Variants in EYS observed in about 807,000 individuals in gnomAD.
EYS encodes protein eyes shut homolog.
EYS carries 250 observed loss-of-function variants against 282.1 expected under a neutral mutation model. That is an observed-to-expected ratio of 0.89 (90% CI 0.80 to 0.98). The LOEUF is 0.98. Ranked by LOEUF, EYS falls within the 50% of genes least tolerant of loss-of-function variation. The pLI is 0.00. For missense variants in EYS, 4,016 were observed against 3,709.0 expected, an observed-to-expected ratio of 1.08 and a Z score of -2.15; for synonymous variants, 1,355 against 1,282.9, an observed-to-expected ratio of 1.06 and a Z score of -1.20.
At chr6:64,344,569 A>C (rs1471319761) in intron 29 of EYS, among the ~76,000 whole-genome samples, 1 of 152,174 alleles carries the variant, frequency 6.6e-6, no homozygotes, top group Non-Finnish European at 1.5e-5. Flanking sequence ...AGAGCTATCT[A>C]TGACAAACCC....
intron 22 of EYS, among the ~76,000 whole-genome samples, chr6:64,665,923 G>C (rs1226655688): frequency 3.7e-5 from 1 of 27,046 alleles, no homozygotes; most frequent in Non-Finnish European, 3.4e-4. Context: ...CTAGTGAGGG[G>C]GTGGCTGGAG....
chr6:64,394,013 A>T (rs555618585), intron 28 of EYS, among the ~76,000 whole-genome samples: 106 of 152,304 alleles, frequency 7.0e-4, no homozygotes, highest in Admixed American at 1.5e-3. Context: ...CCAAATCATG[A>T]GTGAACTCCC....
At chr6:64,676,975 T>A (rs550245276) in intron 22 of EYS, among the ~76,000 whole-genome samples, 1 of 152,290 alleles carries the variant, frequency 6.6e-6, no homozygotes, top group Admixed American at 6.5e-5. Context: ...ATCCACTTTA[T>A]ATGTTAAAGT....
chr6:65,426,900 G>C (rs1007795421), intron 5 of EYS, among the ~76,000 whole-genome samples: 1 of 151,900 alleles, frequency 6.6e-6, no homozygotes, highest in Non-Finnish European at 1.5e-5. Context: ...AAATGTTGTG[G>C]CTTGATTTAA....
intron 22 of EYS, among the ~76,000 whole-genome samples, chr6:64,779,866 G>A (rs115417188): frequency 0.019 from 2,844 of 152,220 alleles, 81 homozygotes; most frequent in African/African-American, 0.065. Flanking sequence ...AAAATGGAGA[G>A]GCTGGAACTG....
chr6:65,198,421 T>A (rs968625499), intron 12 of EYS, among the ~76,000 whole-genome samples: 2 of 152,142 alleles, frequency 1.3e-5, no homozygotes, highest in African/African-American at 4.8e-5. Context: ...CTCACAGTAG[T>A]TTATTATCAT....
intron 26 of EYS, among the ~76,000 whole-genome samples, chr6:64,561,921 A>C (rs1442489364): frequency 9.3e-6 from 1 of 107,706 alleles, no homozygotes; most frequent in East Asian, 2.9e-4. Flanking sequence ...CATGGAACCA[A>C]AAAAAAAAAA....
intron 35 of EYS, among the ~76,000 whole-genome samples, chr6:63,876,489 C>T (rs1036437907): frequency 6.6e-6 from 1 of 152,104 alleles, no homozygotes; most frequent in African/African-American, 2.4e-5. Context: ...CTATTAGGTC[C>T]TCTTGGTGCA....
intron 22 of EYS, among the ~76,000 whole-genome samples, chr6:64,681,315 TG>T (rs925256302): frequency 6.6e-6 from 1 of 152,176 alleles, no homozygotes; most frequent in African/African-American, 2.4e-5. Context: ...GGGTAATTTC[TG>T]GTCCCCCGTG....
chr6:64,918,628 A>G (rs1444355332), intron 15 of EYS, among the ~76,000 whole-genome samples: 2 of 152,188 alleles, frequency 1.3e-5, no homozygotes, highest in African/African-American at 4.8e-5. Context: ...CAAATTTGAG[A>G]TATATTTCTG....
chr6:65,296,901 G>T (rs1768682293), intron 11 of EYS, among the ~76,000 whole-genome samples: 1 of 151,412 alleles, frequency 6.6e-6, no homozygotes, highest in Non-Finnish European at 1.5e-5. Context: ...TGAGAACTAT[G>T]TTGGCTATCA....
chr6:64,369,330 T>C (rs1278691205), intron 29 of EYS, among the ~76,000 whole-genome samples: 1 of 152,142 alleles, frequency 6.6e-6, no homozygotes, highest in African/African-American at 2.4e-5. Flanking sequence ...AGCCTTGTAG[T>C]ATAGTCTGGT....
chr6:65,449,494 A>G (rs1764323655), intron 5 of EYS, among the ~76,000 whole-genome samples: 1 of 152,124 alleles, frequency 6.6e-6, no homozygotes, highest in African/African-American at 2.4e-5. Flanking sequence ...TGAAAACAAA[A>G]GAACAACACT....
At chr6:64,562,526 C>T (rs1363330838) in intron 26 of EYS, among the ~76,000 whole-genome samples, 1 of 151,812 alleles carries the variant, frequency 6.6e-6, no homozygotes, top group Non-Finnish European at 1.5e-5. Flanking sequence ...TTGGTTTTCT[C>T]ATTTAATGAT....
intron 2 of EYS, among the ~76,000 whole-genome samples, chr6:65,537,094 T>C (rs1767986627): frequency 6.6e-6 from 1 of 151,954 alleles, no homozygotes; most frequent in Admixed American, 6.6e-5. Flanking sequence ...AACTAACTCA[T>C]GAAGAGAAAA....
chr6:64,594,344 G>A (rs979513424), intron 24 of EYS, among the ~76,000 whole-genome samples: 27 of 152,236 alleles, frequency 1.8e-4, no homozygotes, highest in Admixed American at 5.9e-4. Context: ...ATAAACATAC[G>A]TGTGCATGTG....
intron 13 of EYS, among the ~76,000 whole-genome samples, chr6:65,006,213 C>T (rs943460737): frequency 6.8e-6 from 1 of 147,164 alleles, no homozygotes; most frequent in Admixed American, 6.8e-5. Context: ...GAGAGAGAGA[C>T]AAAAAGGGAG....
intron 35 of EYS, among the ~76,000 whole-genome samples, chr6:63,869,611 A>G (rs1279013038): frequency 2.6e-5 from 4 of 152,182 alleles, no homozygotes; most frequent in African/African-American, 7.2e-5. Flanking sequence ...CATAGTAAAC[A>G]TGGCCATTAT....
At chr6:65,562,535 G>A (rs982895755) in intron 2 of EYS, among the ~76,000 whole-genome samples, 1 of 151,920 alleles carries the variant, frequency 6.6e-6, no homozygotes, top group Non-Finnish European at 1.5e-5. Flanking sequence ...AATAAACATA[G>A]GTATCTTGAA....
Sources: allele counts gnomAD v4.1 joint callset (sites outside exome capture counted in the v4.1 genomes callset), GRCh38; gene constraint gnomAD v4.1.1; transcripts MANE v1.5; gene names NCBI Gene and HGNC (gene_info 2026-07-23, HGNC 2026-07-21).